The following NTN4 variants were observed in gnomAD, a reference collection of about 807,000 sequenced individuals.
The protein encoded by NTN4 is netrin 4.
A neutral mutation model predicts 73.6 loss-of-function variants in NTN4; 32 were observed. The ratio of observed to expected loss-of-function variants is 0.44; its 90% confidence interval spans 0.33 to 0.58. NTN4 has a LOEUF of 0.58. NTN4 is among the 20% of genes least tolerant of loss of function. NTN4 has a pLI of 0.04. For missense variants in NTN4, 654 were observed against 798.3 expected, an observed-to-expected ratio of 0.82 and a Z score of 2.18; for synonymous variants, 258 against 287.5, an observed-to-expected ratio of 0.90 and a Z score of 1.04.
chr12:95,682,548 A>G (rs1353025379), intron 7 of NTN4, among the ~76,000 whole-genome samples, 159 bp downstream of exon 7: 1 of 152,066 alleles, frequency 6.6e-6, no homozygotes, highest in Non-Finnish European at 1.5e-5. Context: ...TATATTTTAC[A>G]GTTTCATACT....
chr12:95,739,106 G>A (rs1473556977), intron 2 of NTN4, among the ~76,000 whole-genome samples: 1 of 152,162 alleles, frequency 6.6e-6, no homozygotes, highest in Non-Finnish European at 1.5e-5. Flanking sequence ...AGGCGGTCAC[G>A]TATGTATCCC....
chr12:95,739,100 G>A (rs1030903428), intron 2 of NTN4, among the ~76,000 whole-genome samples: 14 of 152,098 alleles, frequency 9.2e-5, no homozygotes, highest in African/African-American at 2.9e-4. Flanking sequence ...TCATGTAGGC[G>A]GTCACGTATG....
At chr12:95,668,981 G>C (rs1040727573) in intron 8 of NTN4, among the ~76,000 whole-genome samples, 1 of 152,144 alleles carries the variant, frequency 6.6e-6, no homozygotes, top group Admixed American at 6.5e-5. Flanking sequence ...AAAATTAGCC[G>C]GGCATGGTGG....
At chr12:95,700,079 G>GGTTTTTTTTTTTT (rs1565888823) in intron 5 of NTN4, among the ~76,000 whole-genome samples, 1 of 86,288 alleles carries the variant, frequency 1.2e-5, no homozygotes, top group Non-Finnish European at 2.5e-5. Flanking sequence ...CTAAAGTGAG[G>GGTTTTTTTTTTTT]ATTTTTTTTT....
intron 2 of NTN4, among the ~76,000 whole-genome samples, chr12:95,755,126 T>C (rs1169080390): frequency 2.0e-5 from 3 of 152,220 alleles, no homozygotes; most frequent in African/African-American, 7.2e-5. Flanking sequence ...CTAAAATATA[T>C]GTAATTCGCA....
At chr12:95,683,112 T>G (rs1263422047) in intron 6 of NTN4, among the ~76,000 whole-genome samples, 1 of 152,180 alleles carries the variant, frequency 6.6e-6, no homozygotes, top group East Asian at 1.9e-4. Context: ...CAGGCTGGAG[T>G]GCAATGGTGC....
intron 5 of NTN4, among the ~76,000 whole-genome samples, chr12:95,695,910 TCCTC>T (rs149136537): frequency 6.7e-6 from 1 of 148,704 alleles, no homozygotes; most frequent in East Asian, 2.0e-4. Context: ...TTCTCTCCCT[TCCTC>T]CCTCCCTCCC....
At chr12:95,769,751 CT>C (rs34093723) in intron 2 of NTN4, among the ~76,000 whole-genome samples, 2,440 of 117,004 alleles carry the variant, frequency 0.021, 16 homozygotes, top group African/African-American at 0.049. Flanking sequence ...AGGTTTCAAT[CT>C]TTTTTTTTTT....
intron 2 of NTN4, among the ~76,000 whole-genome samples, chr12:95,745,564 T>G (rs1487701737): frequency 1.3e-5 from 2 of 152,214 alleles, no homozygotes; most frequent in South Asian, 2.1e-4. Flanking sequence ...CTTTTGAACA[T>G]AAGAAATACA....
intron 9 of NTN4, among the ~76,000 whole-genome samples, chr12:95,660,195 A>G (rs959800861): frequency 6.6e-6 from 1 of 152,048 alleles, no homozygotes; most frequent in Admixed American, 6.6e-5. Context: ...TGTTATTTTT[A>G]GTAGAGACAG....
chr12:95,746,602 A>C (rs1341271794), intron 2 of NTN4, among the ~76,000 whole-genome samples: 1 of 152,192 alleles, frequency 6.6e-6, no homozygotes, highest in Non-Finnish European at 1.5e-5. Context: ...TGTGTTGAAC[A>C]GTTCTCAGCT....
At chr12:95,754,567 G>T (rs955532210) in intron 2 of NTN4, among the ~76,000 whole-genome samples, 2 of 152,082 alleles carry the variant, frequency 1.3e-5, no homozygotes, top group Non-Finnish European at 2.9e-5. Flanking sequence ...AAAAGGCCCT[G>T]CCCCGCCTTA....
intron 5 of NTN4, among the ~76,000 whole-genome samples, chr12:95,699,401 AAGAT>A (rs1266354602): frequency 6.6e-6 from 1 of 152,222 alleles, no homozygotes; most frequent in Non-Finnish European, 1.5e-5. Context: ...TTGTACTTGA[AAGAT>A]AGACTGAAAT....
intron 7 of NTN4, among the ~76,000 whole-genome samples, chr12:95,682,280 T>C (rs2078323594): frequency 6.6e-6 from 1 of 151,886 alleles, no homozygotes; most frequent in Non-Finnish European, 1.5e-5. Context: ...TCTTGAACTC[T>C]TAGCCTTAAG....
chr12:95,736,584 A>C (rs1396296398), intron 3 of NTN4, among the ~76,000 whole-genome samples: 2 of 152,178 alleles, frequency 1.3e-5, no homozygotes, highest in Non-Finnish European at 2.9e-5. Context: ...TTCTGATTGA[A>C]TCCTACCTGA....
chr12:95,772,990 TTTTTTTC>T (rs71435786), intron 2 of NTN4, among the ~76,000 whole-genome samples: 119,631 of 143,682 alleles, frequency 0.83, 50,112 homozygotes, highest in African/African-American at 0.89. Context: ...CAATGGCTTT[TTTTTTTC>T]TTTTTTCTTT....
chr12:95,668,939 C>A (rs531053093), intron 8 of NTN4, among the ~76,000 whole-genome samples: 1 of 152,336 alleles, frequency 6.6e-6, no homozygotes, highest in South Asian at 2.1e-4. Flanking sequence ...GCCTGACCAA[C>A]ATGGGATAAC....
Position 95,789,846 on chromosome 12 carries a change from C to T in NTN4, c.55+409G>A, listed in dbSNP as rs1204833055. The T allele has an allele frequency of 5.9e-6, 1 of 170,910 alleles. No individual in the cohort carries two copies. Among genetic ancestry groups the T allele is most frequent in the Non-Finnish European group, 1.2e-5 (1 of 80,566 alleles). 10.6% of individuals were successfully genotyped at this position (170,910 alleles called of 1,614,324 possible). On this transcript the variant is annotated intron_variant, in intron 1 of 9. Coordinates refer to ENST00000343702, the MANE Select transcript of NTN4 (RefSeq NM_021229.4). The surrounding 1 kb of genome is among the most constrained non-coding windows in gnomAD (Gnocchi z 4.0). ...CCAGCGATGGGCTTCTACCAGAGAC[C>T]GGCCCCAGCCCACGCGCGCCCAGGG...
intron 7 of NTN4, among the ~76,000 whole-genome samples, chr12:95,677,600 C>A (rs573446582): frequency 6.6e-6 from 1 of 152,108 alleles, no homozygotes; most frequent in African/African-American, 2.4e-5. Context: ...AATTCAGCAA[C>A]GTATGAATAA....
Sources: allele counts gnomAD v4.1 joint callset (sites outside exome capture counted in the v4.1 genomes callset), GRCh38; gene constraint gnomAD v4.1.1; non-coding constraint Gnocchi (gnomAD v3.1); transcripts MANE v1.5; gene names NCBI Gene and HGNC (gene_info 2026-07-23, HGNC 2026-07-21).